The following MAP2K6 variants were observed in gnomAD, a reference collection of about 807,000 sequenced individuals.
MAP2K6 encodes mitogen-activated protein kinase kinase 6.
Under a neutral mutation model 53.7 loss-of-function variants are expected in MAP2K6, and 16 were observed. The observed-to-expected ratio is 0.30, with a 90% CI of 0.20 to 0.45. MAP2K6 has a LOEUF of 0.45. Among genes scored for constraint, MAP2K6 ranks in the 20% least tolerant of loss-of-function variants. The pLI, the probability that MAP2K6 is intolerant of heterozygous loss-of-function variation, is 1.00. For synonymous variants in MAP2K6, 132 were observed against 143.1 expected (o/e 0.92, Z 0.55); for missense variants, 204 against 411.9 (o/e 0.50, Z 4.37).
chr17:69,525,254 C>A (rs1910707240), intron 9 of MAP2K6, among the ~76,000 whole-genome samples: 1 of 152,160 alleles, frequency 6.6e-6, no homozygotes, highest in South Asian at 2.1e-4. Context: ...ATCTTCCTAT[C>A]CTCCTCTGTA....
At chr17:69,528,307 G>A (rs577501223) in intron 10 of MAP2K6, among the ~76,000 whole-genome samples, 72 of 152,158 alleles carry the variant, frequency 4.7e-4, no homozygotes, top group African/African-American at 1.7e-3. Context: ...GTTTTTGGCT[G>A]GATGACTAGA....
intron 7 of MAP2K6, chr17:69,521,806 C>CAAAA (rs71293537): frequency 1.1e-4 from 9 of 79,342 alleles, no homozygotes; most frequent in African/African-American, 4.2e-4. Flanking sequence ...GATAAATGTA[C>CAAAA]AAAAAAAAAA....
intron 1 of MAP2K6, among the ~76,000 whole-genome samples, chr17:69,428,489 A>G (rs1906343078): frequency 6.6e-6 from 1 of 152,204 alleles, no homozygotes; most frequent in African/African-American, 2.4e-5. Flanking sequence ...CTACTCCAGT[A>G]TGACATCATC....
chr17:69,467,708 A>T (rs1395284967), intron 1 of MAP2K6, among the ~76,000 whole-genome samples: 1 of 152,082 alleles, frequency 6.6e-6, no homozygotes, highest in Middle Eastern at 3.2e-3. Flanking sequence ...CTCAGTTTTT[A>T]TTCAGTCTTT....
chr17:69,443,079 T>A (rs1329796581), intron 1 of MAP2K6, among the ~76,000 whole-genome samples: 1 of 152,188 alleles, frequency 6.6e-6, no homozygotes. Context: ...TTCAGCTTGT[T>A]TTTCACACCC....
intron 1 of MAP2K6, among the ~76,000 whole-genome samples, chr17:69,460,459 G>A (rs1457183331): frequency 6.6e-6 from 1 of 152,164 alleles, no homozygotes; most frequent in Non-Finnish European, 1.5e-5. Context: ...AAGGAGGAAC[G>A]TGTTGGGATT....
chr17:69,441,170 T>G (rs1906804721), intron 1 of MAP2K6, among the ~76,000 whole-genome samples: 1 of 152,232 alleles, frequency 6.6e-6, no homozygotes, highest in South Asian at 2.1e-4. Context: ...GTATTTTTGT[T>G]TGTTTGTTTT....
In MAP2K6 at chr17:69,500,678, G is replaced by A. The variant is rs189299897; in HGVS notation, c.17-5102G>A. ...GGCTGAGGCAGGAGAATCACACAAA[G>A]CCGGGAGGCGGAGGTTGCAGTGAGC... On this transcript the variant is annotated intron_variant, in intron 1 of 11. Transcript: ENST00000590474. Among the ~76,000 whole-genome samples the A allele has an allele frequency of 4.3e-3, 656 of 151,626 alleles. 3 individuals are homozygous for A. The highest frequency in any genetic ancestry group is 0.015 in the African/African-American group (633 of 41,304).
rs1330234331 is a variant in MAP2K6 at position 69,529,541 on chromosome 17, T to TTAA, written c.881+2832_881+2833insTAA. The stretch of plus-strand genomic sequence containing the variant: ...TTTTTTTTTTTTGGAGACGGAGTTT[T>TTAA]GCTCTGCCACCCAGGCTGGAGTGCA... On this transcript the variant is annotated intron_variant, in intron 10 of 11. Coordinates refer to ENST00000590474, the MANE Select transcript of MAP2K6 (RefSeq NM_002758.4). Among the ~76,000 whole-genome samples, 13 of 146,280 alleles carry TTAA rather than the reference T, an allele frequency of 8.9e-5. No homozygotes were observed. The East Asian group carries it at 2.6e-3, about 29-fold the overall frequency.
In MAP2K6 at chr17:69,550,689, T is replaced by C. The variant is rs1186547269; in HGVS notation, c.*8936T>C. On this transcript the variant is annotated 3_prime_UTR_variant, in exon 12 of 12. Coordinates refer to ENST00000590474, the MANE Select transcript of MAP2K6 (RefSeq NM_002758.4). ...ATTCAGTGGTGCCCCTGAGGGTCTC[T>C]TGTGAACAGAAGGGAAAAAGAGTGT... 6.6e-6 allele frequency: 1 copy of C among 152,216 alleles called. No homozygotes were observed. Among genetic ancestry groups the C allele is most frequent in the African/African-American group, 2.4e-5 (1 of 41,454 alleles). The allele number at this position is 152,216 out of a possible 1,614,324, so 9.4% of individuals were successfully genotyped here.
Position 69,551,895 on chromosome 17 carries a change from A to G in MAP2K6, c.*10142A>G, listed in dbSNP as rs748560323. On this transcript the variant is annotated 3_prime_UTR_variant, in exon 12 of 12. Coordinates refer to ENST00000590474, the MANE Select transcript of MAP2K6 (RefSeq NM_002758.4). ...TATTTAAATACATGAACAGTTTTCT[A>G]TATATTTTGTGAAAATCTTGATGAG... is the stretch of plus-strand genomic sequence containing the variant. 2.4e-4 allele frequency: 37 copies of G among 152,356 alleles called. No homozygotes were observed. The highest frequency in any genetic ancestry group is 7.7e-4 in the African/African-American group (32 of 41,592). The allele number at this position is 152,356 out of a possible 1,614,324, so 9.4% of individuals were successfully genotyped here.
intron 10 of MAP2K6, among the ~76,000 whole-genome samples, chr17:69,532,107 G>T (rs918394869): frequency 5.3e-5 from 8 of 152,142 alleles, no homozygotes; most frequent in African/African-American, 1.7e-4. Context: ...GCATATTGAA[G>T]GGTAGTGGAG....
At chr17:69,472,737 T>C (rs1908024309) in intron 1 of MAP2K6, among the ~76,000 whole-genome samples, 1 of 152,194 alleles carries the variant, frequency 6.6e-6, no homozygotes. Flanking sequence ...CTCACTCTAT[T>C]GCTCGGGCTG....
intron 1 of MAP2K6, among the ~76,000 whole-genome samples, chr17:69,490,710 A>ATT (rs1005132994): frequency 6.8e-6 from 1 of 147,546 alleles, no homozygotes; most frequent in Non-Finnish European, 1.5e-5. Flanking sequence ...AAACCCCTGA[A>ATT]TTTTTTTTTT....
intron 1 of MAP2K6, among the ~76,000 whole-genome samples, chr17:69,442,688 C>T (rs939783792): frequency 3.9e-5 from 6 of 152,158 alleles, no homozygotes; most frequent in African/African-American, 1.4e-4. Flanking sequence ...TTCCCTTTGT[C>T]CCTTTGTCTT....
intron 10 of MAP2K6, among the ~76,000 whole-genome samples, chr17:69,530,168 A>G (rs1911006873): frequency 6.6e-6 from 1 of 152,156 alleles, no homozygotes; most frequent in Non-Finnish European, 1.5e-5. Flanking sequence ...TACACAAATT[A>G]GCTGGGTGTG....
rs935831624 is a variant in MAP2K6 at position 69,543,852 on chromosome 17, A to G, written c.*2099A>G. On this transcript the variant is annotated 3_prime_UTR_variant, in exon 12 of 12. Coordinates refer to ENST00000590474, the MANE Select transcript of MAP2K6 (RefSeq NM_002758.4). Reference sequence around the variant, plus strand: ...CTGTGAACCTAGGCCAAAGTTGCAAAAACAATCATATTAATAGTAGAGTAG... The same window carrying G: ...CTGTGAACCTAGGCCAAAGTTGCAAGAACAATCATATTAATAGTAGAGTAG... 6.6e-6 allele frequency: 1 copy of G among 152,170 alleles called. No individual in the cohort carries two copies. Among genetic ancestry groups the G allele is most frequent in the Non-Finnish European group, 1.5e-5 (1 of 68,034 alleles). 9.4% of individuals were successfully genotyped at this position (152,170 alleles called of 1,614,324 possible).
intron 1 of MAP2K6, among the ~76,000 whole-genome samples, chr17:69,440,525 A>T (rs577391264): frequency 7.4e-4 from 113 of 152,134 alleles, no homozygotes; most frequent in African/African-American, 2.6e-3. Flanking sequence ...CTTTCTCTTT[A>T]ATACTAACAT....
chr17:69,521,291 G>A (rs1051729623), intron 7 of MAP2K6, 191 bp downstream of exon 7: 2 of 447,538 alleles, frequency 4.5e-6, no homozygotes, highest in African/African-American at 2.0e-5. Context: ...GAGGACATAA[G>A]AAGAAGACGT....
Sources: allele counts gnomAD v4.1 joint callset (sites outside exome capture counted in the v4.1 genomes callset), GRCh38; gene constraint gnomAD v4.1.1; transcripts MANE v1.5; gene names NCBI Gene and HGNC (gene_info 2026-07-23, HGNC 2026-07-21).